The following CEP128 variants were observed in gnomAD, a reference collection of about 807,000 sequenced individuals.
CEP128 encodes centrosomal protein 128, also known as centrosomal protein 128kDa.
CEP128 carries 132 observed loss-of-function variants against 156.7 expected under a neutral mutation model. The observed-to-expected ratio is 0.84, with a 90% confidence interval of 0.73 to 0.97. The LOEUF is 0.97. CEP128 is among the 50% of genes least tolerant of loss of function. The pLI is 0.00. For missense variants in CEP128, 1,252 were observed against 1,281.9 expected, an observed-to-expected ratio of 0.98 and a Z score of 0.36; for synonymous variants, 469 against 448.9, an observed-to-expected ratio of 1.04 and a Z score of -0.57.
intron 19 of CEP128, among the ~76,000 whole-genome samples, chr14:80,715,792 C>A (rs769015945): frequency 5.9e-5 from 9 of 152,102 alleles, no homozygotes. Flanking sequence ...TCTCACTGTA[C>A]CTGAGTTTCT....
chr14:80,740,010 A>T (rs1162295568), intron 19 of CEP128, among the ~76,000 whole-genome samples: 2 of 152,182 alleles, frequency 1.3e-5, no homozygotes, highest in African/African-American at 4.8e-5. Context: ...AGGGAAAAAT[A>T]AATAAATTTG....
chr14:80,692,080 T>C (rs1029922913), intron 19 of CEP128, among the ~76,000 whole-genome samples: 1 of 152,154 alleles, frequency 6.6e-6, no homozygotes, highest in African/African-American at 2.4e-5. Context: ...AAGGTAGAAA[T>C]TGAGTTTGAG....
intron 19 of CEP128, among the ~76,000 whole-genome samples, chr14:80,740,555 T>C (rs201467357): frequency 2.9e-4 from 42 of 143,122 alleles, no homozygotes; most frequent in South Asian, 1.3e-3. Context: ...GACAGACAGA[T>C]AGATAGAAAT....
chr14:80,625,445 T>C (rs1447948333), intron 19 of CEP128, among the ~76,000 whole-genome samples: 1 of 152,166 alleles, frequency 6.6e-6, no homozygotes, highest in Admixed American at 6.5e-5. Context: ...TTTGGGTTGT[T>C]CATGCCTCTA....
intron 4 of CEP128, among the ~76,000 whole-genome samples, chr14:80,907,486 C>T (rs1437985627): frequency 6.6e-6 from 1 of 151,740 alleles, no homozygotes; most frequent in African/African-American, 2.4e-5. Context: ...GGTGAAACCT[C>T]GTCTCTCCTA....
At chr14:80,658,527 C>A (rs1895269286) in intron 19 of CEP128, among the ~76,000 whole-genome samples, 2 of 152,194 alleles carry the variant, frequency 1.3e-5, no homozygotes, top group Admixed American at 1.3e-4. Flanking sequence ...CAGCAGCTTA[C>A]ATACTTATTT....
chr14:80,635,631 A>G (rs926675031), intron 19 of CEP128, among the ~76,000 whole-genome samples: 4 of 152,224 alleles, frequency 2.6e-5, no homozygotes, highest in Admixed American at 2.6e-4. Flanking sequence ...TCCAGTTAAT[A>G]AGGAGTATAC....
chr14:80,789,302 A>G (rs546381824), intron 14 of CEP128, among the ~76,000 whole-genome samples: 26 of 152,318 alleles, frequency 1.7e-4, no homozygotes, highest in African/African-American at 6.3e-4. Flanking sequence ...GCTAGGGTGT[A>G]GGGAATAGAA....
At chr14:80,654,888 A>G (rs1046492587) in intron 19 of CEP128, among the ~76,000 whole-genome samples, 1 of 152,118 alleles carries the variant, frequency 6.6e-6, no homozygotes, top group African/African-American at 2.4e-5. Context: ...TCCAGACTTC[A>G]GTGTCACAGT....
At chr14:80,811,269 T>G (rs1413270665) in intron 13 of CEP128, among the ~76,000 whole-genome samples, 3 of 152,214 alleles carry the variant, frequency 2.0e-5, no homozygotes, top group African/African-American at 4.8e-5. Context: ...TATAATAGAA[T>G]GATTTTTATC....
At chr14:80,772,905 GA>G (rs1436191830) in intron 16 of CEP128, among the ~76,000 whole-genome samples, 1 of 152,192 alleles carries the variant, frequency 6.6e-6, no homozygotes, top group Non-Finnish European at 1.5e-5. Context: ...GTAATACGTA[GA>G]TTTTTCAGGG....
rs1191934531 is a variant in CEP128, at chr14:80,671,040, C to T, written c.2806+72035G>A. ...TTAACTTCTGCTAAACCAGAGAATC[C>T]TTACTTAAATCAAATGGTCATCAGG... On this transcript the variant is annotated intron_variant, in intron 19 of 24. Transcript: ENST00000555265. Among the ~76,000 whole-genome samples, 5 of 152,038 alleles carry T rather than the reference C, an allele frequency of 3.3e-5. No homozygotes were observed. In the East Asian group the frequency reaches 9.6e-4, roughly 29 times the overall value.
At chr14:80,897,945 T>C (rs1368390478) in intron 7 of CEP128, among the ~76,000 whole-genome samples, 1 of 152,096 alleles carries the variant, frequency 6.6e-6, no homozygotes, top group Non-Finnish European at 1.5e-5. Context: ...TCCAGGTTAA[T>C]TGTTTTGTAT....
chr14:80,766,958 T>G (rs760891717), intron 16 of CEP128, among the ~76,000 whole-genome samples: 8 of 152,114 alleles, frequency 5.3e-5, no homozygotes, highest in African/African-American at 7.2e-5. Context: ...CTAAAAAGTT[T>G]TGAGGAAGAA....
intron 19 of CEP128, among the ~76,000 whole-genome samples, chr14:80,648,166 G>A (rs1055118881): frequency 6.6e-6 from 1 of 151,918 alleles, no homozygotes; most frequent in Non-Finnish European, 1.5e-5. Context: ...CCAGTGTAAT[G>A]TTTTTTTCAG....
In CEP128 at chr14:80,955,003, C is replaced by T. The variant is rs142109999; in HGVS notation, c.-172+3175G>A. 853 of 153,172 alleles carry T rather than the reference C, an allele frequency of 5.6e-3. 5 individuals carry two copies. Among genetic ancestry groups the T allele is most frequent in the Non-Finnish European group, 5.3e-3 (364 of 68,636 alleles). The allele number at this position is 153,172 out of a possible 1,614,324, so 9.5% of individuals were successfully genotyped here. A position where few individuals can be genotyped will look rare whatever the true frequency, so the allele number is the denominator to read the frequency against. On this transcript the variant is annotated intron_variant, in intron 2 of 7. Coordinates refer to the CEP128 transcript ENST00000555529. ...CGGCCGCTGCCAGTCGACTCAACCA[C>T]CGGAGTGGCCCCTGCAGTTGGATAG...
chr14:80,841,963 T>C (rs867348346), intron 9 of CEP128, among the ~76,000 whole-genome samples: 32 of 151,962 alleles, frequency 2.1e-4, no homozygotes, highest in Middle Eastern at 6.8e-3. Flanking sequence ...AAAATTAAAT[T>C]AAAAAAATCC....
chr14:80,710,161 A>T (rs1897352081), intron 19 of CEP128, among the ~76,000 whole-genome samples: 2 of 152,164 alleles, frequency 1.3e-5, no homozygotes, highest in African/African-American at 4.8e-5. Flanking sequence ...TAATGAAATC[A>T]TGCCATAAAT....
At chr14:80,500,311 GC>G (rs1378878832) in intron 24 of CEP128, among the ~76,000 whole-genome samples, 2 of 152,240 alleles carry the variant, frequency 1.3e-5, no homozygotes, top group Non-Finnish European at 1.5e-5. Context: ...CAACGAAAGG[GC>G]CTCACTCAGT....
Sources: gnomAD v4.1 joint callset for allele counts (sites outside exome capture counted in the v4.1 genomes callset) on GRCh38, gnomAD v4.1.1 for gene constraint, MANE v1.5 for transcripts, NCBI Gene and HGNC (gene_info 2026-07-23, HGNC 2026-07-21) for gene names.